CAMTA1: variants seen among roughly 807,000 people sequenced by gnomAD.
CAMTA1 encodes the protein calmodulin-binding transcription activator 1.
A neutral mutation model predicts 170.9 loss-of-function variants in CAMTA1; 27 were observed. The observed-to-expected ratio is 0.16, with a 90% CI of 0.12 to 0.22. The LOEUF is 0.22. CAMTA1 is among the 10% of genes least tolerant of loss of function. The pLI is 1.00. For missense variants in CAMTA1, 1,619 were observed against 2,217.2 expected, an observed-to-expected ratio of 0.73 and a Z score of 5.42; for synonymous variants, 833 against 891.5, an observed-to-expected ratio of 0.93 and a Z score of 1.17.
chr1:7,150,731 G>A (rs1361953999), intron 4 of CAMTA1, among the ~76,000 whole-genome samples: 1 of 152,076 alleles, frequency 6.6e-6, no homozygotes, highest in Non-Finnish European at 1.5e-5. Flanking sequence ...AGAAGGACGC[G>A]CAGGACGTGG....
At chr1:7,304,198 A>G (rs1326279366) in intron 5 of CAMTA1, among the ~76,000 whole-genome samples, 1 of 152,212 alleles carries the variant, frequency 6.6e-6, no homozygotes, top group African/African-American at 2.4e-5. Flanking sequence ...GGTGCACTTG[A>G]AAACGGTCAA....
chr1:7,406,703 G>A (rs1012886436), intron 5 of CAMTA1, among the ~76,000 whole-genome samples: 4 of 152,052 alleles, frequency 2.6e-5, no homozygotes, highest in African/African-American at 7.2e-5. Flanking sequence ...CAGGGCTTAC[G>A]TGTAAAGGGG....
At chr1:6,989,158 T>C (rs900613063) in intron 3 of CAMTA1, among the ~76,000 whole-genome samples, 1 of 152,202 alleles carries the variant, frequency 6.6e-6, no homozygotes, top group Non-Finnish European at 1.5e-5. Context: ...CACAGCCTGA[T>C]GCAGGAGCCA....
chr1:7,749,667 C>CA, intron 19 of CAMTA1: 1 of 307,220 alleles, frequency 3.3e-6, no homozygotes, highest in Non-Finnish European at 6.2e-6. Flanking sequence ...AGCCAGGTTG[C>CA]CTTTTTTTTT....
At chr1:7,009,027 C>T (rs1411307776) in intron 3 of CAMTA1, among the ~76,000 whole-genome samples, 5 of 152,228 alleles carry the variant, frequency 3.3e-5, no homozygotes, top group Admixed American at 6.5e-5. Context: ...TCCCGCCCCT[C>T]ACGGAGGGTC....
chr1:7,686,638 A>G (rs1427953013), intron 11 of CAMTA1, among the ~76,000 whole-genome samples: 1 of 152,164 alleles, frequency 6.6e-6, no homozygotes. Context: ...GTTGCCACAC[A>G]CAGGTGTATG....
At chr1:7,467,575 G>A (rs983488988) in intron 5 of CAMTA1, among the ~76,000 whole-genome samples, 2 of 152,200 alleles carry the variant, frequency 1.3e-5, no homozygotes, top group East Asian at 1.9e-4. Flanking sequence ...GGTTCTCGAC[G>A]CCTCTATGGC....
intron 7 of CAMTA1, among the ~76,000 whole-genome samples, chr1:7,647,232 C>G (rs1224525938): frequency 4.0e-5 from 6 of 151,680 alleles, no homozygotes; most frequent in African/African-American, 1.5e-4. Flanking sequence ...GTTCAGTGCG[C>G]CTTTTGTTTT....
intron 6 of CAMTA1, among the ~76,000 whole-genome samples, chr1:7,489,734 G>A (rs1462849106): frequency 6.6e-6 from 1 of 152,214 alleles, no homozygotes; most frequent in African/African-American, 2.4e-5. Flanking sequence ...CTGTAGTGGT[G>A]GAGGCGATCC....
intron 4 of CAMTA1, among the ~76,000 whole-genome samples, chr1:7,116,270 G>A (rs1373810769): frequency 6.6e-6 from 1 of 152,158 alleles, no homozygotes; most frequent in Non-Finnish European, 1.5e-5. Context: ...ACTTAAAGTA[G>A]GGAATTGTAC....
chr1:6,839,368 C>CGA (rs1654718509), intron 3 of CAMTA1, among the ~76,000 whole-genome samples: 1 of 151,822 alleles, frequency 6.6e-6, no homozygotes, highest in Non-Finnish European at 1.5e-5. Flanking sequence ...GGCGACAGAG[C>CGA]GAGACTCTCT....
intron 3 of CAMTA1, among the ~76,000 whole-genome samples, chr1:6,930,699 G>T (rs2149372171): frequency 6.6e-6 from 1 of 152,290 alleles, no homozygotes; most frequent in South Asian, 2.1e-4. Context: ...ACCCCTCTTG[G>T]GGAGCAAGGG....
chr1:7,517,341 G>A (rs1193170), intron 6 of CAMTA1, among the ~76,000 whole-genome samples: 75,704 of 151,990 alleles, frequency 0.5, 20,562 homozygotes, highest in Non-Finnish European at 0.61. Flanking sequence ...CCTCACAGGA[G>A]AGTTCCACTT....
chr1:7,358,606 G>A (rs149915355), intron 5 of CAMTA1, among the ~76,000 whole-genome samples: 12 of 152,264 alleles, frequency 7.9e-5, no homozygotes, highest in Admixed American at 2.0e-4. Context: ...GACTCGCCTC[G>A]TCAGACTTGG....
At chr1:7,012,798 GC>G (rs1252849653) in intron 3 of CAMTA1, among the ~76,000 whole-genome samples, 13 of 152,096 alleles carry the variant, frequency 8.5e-5, no homozygotes, top group Non-Finnish European at 1.5e-4. Context: ...TTCCCTGTCT[GC>G]CACTTGTGTG....
chr1:7,449,360 G>A (rs374967706), intron 5 of CAMTA1, among the ~76,000 whole-genome samples: 5 of 152,284 alleles, frequency 3.3e-5, no homozygotes, highest in Admixed American at 2.0e-4. Flanking sequence ...TAAGACCACC[G>A]GGCCAGGCAG....
At chr1:6,943,721 C>A (rs1687091835) in intron 3 of CAMTA1, among the ~76,000 whole-genome samples, 1 of 151,674 alleles carries the variant, frequency 6.6e-6, no homozygotes, top group Non-Finnish European at 1.5e-5. Context: ...ATGGCGTGTG[C>A]CTGTAACCCC....
chr1:6,975,151 G>A (rs1168433163), intron 3 of CAMTA1, among the ~76,000 whole-genome samples: 1 of 152,200 alleles, frequency 6.6e-6, no homozygotes, highest in Non-Finnish European at 1.5e-5. Context: ...CTGGAAGGTG[G>A]CAGAGCTGGA....
intron 4 of CAMTA1, among the ~76,000 whole-genome samples, chr1:7,139,229 A>AAT (rs1213619152): frequency 7.0e-6 from 1 of 142,206 alleles, no homozygotes; most frequent in African/African-American, 2.5e-5. Flanking sequence ...TCATAATATA[A>AAT]ATATATATTT....
Sources: allele counts gnomAD v4.1 joint callset (sites outside exome capture counted in the v4.1 genomes callset), GRCh38; gene constraint gnomAD v4.1.1; transcripts MANE v1.5; gene names NCBI Gene and HGNC (gene_info 2026-07-23, HGNC 2026-07-21).